GRB2: variants seen among roughly 807,000 people sequenced by gnomAD.
The protein encoded by GRB2 is growth factor receptor-bound protein 2.
In GRB2, 2 loss-of-function variants were observed where a neutral mutation model predicts 27.4. The ratio of observed to expected loss-of-function variants is 0.07; its 90% CI spans 0.03 to 0.23. The LOEUF is 0.23. Among genes scored for constraint, GRB2 ranks in the 10% least tolerant of loss-of-function variants. The probability of loss-of-function intolerance (pLI) is 1.00; values close to 1 mark genes in which losing one functional copy is unlikely to be tolerated. For missense variants in GRB2, 102 were observed against 282.4 expected (o/e 0.36, Z 4.58); for synonymous variants, 94 against 99.6 (o/e 0.94, Z 0.33).
chr17:75,361,438 T>C (rs2078781022), intron 2 of GRB2, among the ~76,000 whole-genome samples: 1 of 152,058 alleles, frequency 6.6e-6, no homozygotes. Context: ...CTCAGAAAAA[T>C]GGGTCTAAAC....
chr17:75,328,943 A>ATAAG (rs1317252771), intron 3 of GRB2, among the ~76,000 whole-genome samples: 2 of 119,852 alleles, frequency 1.7e-5, no homozygotes, highest in Non-Finnish European at 3.5e-5. Context: ...CTTTCAAAAA[A>ATAAG]TAAATAAATA....
rs2145826198 is a variant in GRB2, at chr17:75,332,689, G to A, written c.176+11C>T. Reference sequence around the variant, plus strand: ...GTCCAACCCTTCCAAGACTAATGGAGCTTAACTTACGGATGTGGTTTCATT... The same window carrying A: ...GTCCAACCCTTCCAAGACTAATGGAACTTAACTTACGGATGTGGTTTCATT... On this transcript the variant is annotated intron_variant, in intron 3 of 5. Coordinates refer to ENST00000316804, the MANE Select transcript of GRB2 (RefSeq NM_002086.5). 3 of 1,530,372 alleles carry A rather than the reference G, an allele frequency of 2.0e-6. No homozygotes were observed. The highest frequency in any genetic ancestry group is 2.7e-6 in the Non-Finnish European group (3 of 1,104,968). 94.8% of individuals were successfully genotyped at this position (1,530,372 alleles called of 1,614,324 possible).
At chr17:75,355,975 C>T (rs1031020242) in intron 2 of GRB2, among the ~76,000 whole-genome samples, 1 of 151,786 alleles carries the variant, frequency 6.6e-6, no homozygotes, top group Non-Finnish European at 1.5e-5. Context: ...GGACTACAGA[C>T]GCACGCTGCC....
chr17:75,391,349 A>AG lies in GRB2; in HGVS notation c.78+2201dup, dbSNP rs377757664. Among the ~76,000 whole-genome samples, 455 of 152,266 alleles carry AG rather than the reference A, an allele frequency of 3.0e-3. 4 individuals carry two copies. Among genetic ancestry groups the AG allele is most frequent in the African/African-American group, 0.011 (439 of 41,538 alleles). On this transcript the variant is annotated intron_variant, in intron 2 of 5. Transcript: ENST00000316804. The stretch of plus-strand genomic sequence containing the variant: ...TTCTCCTCCATAATAAAAATTTCTG[A>AG]GGGACTGTTAAACAGGATCTTCTTC...
chr17:75,336,851 C>T (rs767839505), intron 2 of GRB2, among the ~76,000 whole-genome samples: 82 of 152,082 alleles, frequency 5.4e-4, no homozygotes, highest in Non-Finnish European at 1.0e-3. Context: ...GATTCAAGTG[C>T]CTCGGCCTCC....
chr17:75,392,774 TAC>T (rs1419551910), intron 2 of GRB2, among the ~76,000 whole-genome samples: 1 of 152,196 alleles, frequency 6.6e-6, no homozygotes, highest in African/African-American at 2.4e-5. Context: ...AGCAAACTGC[TAC>T]AGTCAATTGG....
Position 75,380,788 on chromosome 17 carries a change from G to A in GRB2, c.78+12763C>T, listed in dbSNP as rs79069318. Reference sequence around the variant, plus strand: ...AATAGCACAAAATAAAATGTGCGGCGGAAAAACTGTGTCAAGCATCTTACA... The same window carrying A: ...AATAGCACAAAATAAAATGTGCGGCAGAAAAACTGTGTCAAGCATCTTACA... On this transcript the variant is annotated intron_variant, in intron 2 of 5. Coordinates refer to ENST00000316804, the MANE Select transcript of GRB2 (RefSeq NM_002086.5). Among the ~76,000 whole-genome samples the A allele has an allele frequency of 3.4e-3, 524 of 152,288 alleles. 24 individuals carry two copies. The East Asian group carries it at 0.085, about 25-fold the overall frequency.
intron 3 of GRB2, among the ~76,000 whole-genome samples, chr17:75,330,589 G>A (rs999146810): frequency 7.2e-5 from 11 of 151,898 alleles, no homozygotes; most frequent in African/African-American, 2.2e-4. Flanking sequence ...CACAAGAATC[G>A]CTTGAACCCA....
chr17:75,374,153 C>T (rs1469208490), intron 2 of GRB2, among the ~76,000 whole-genome samples: 2 of 151,758 alleles, frequency 1.3e-5, no homozygotes, highest in Non-Finnish European at 2.9e-5. Context: ...TGCTTGTAAT[C>T]CTAGCACTTT....
intron 2 of GRB2, among the ~76,000 whole-genome samples, chr17:75,347,192 G>A (rs1325814745): frequency 2.0e-5 from 3 of 152,038 alleles, no homozygotes; most frequent in South Asian, 2.1e-4. Flanking sequence ...CACTGATAGC[G>A]GCAGGAGGCA....
intron 2 of GRB2, among the ~76,000 whole-genome samples, chr17:75,353,611 T>C (rs949970405): frequency 2.7e-5 from 4 of 149,370 alleles, no homozygotes; most frequent in Non-Finnish European, 3.0e-5. Flanking sequence ...AACACAAAAA[T>C]TCGCCAGGTG....
intron 2 of GRB2, among the ~76,000 whole-genome samples, chr17:75,358,590 C>T (rs545594826): frequency 4.6e-5 from 7 of 150,612 alleles, no homozygotes; most frequent in Non-Finnish European, 8.9e-5. Context: ...CAGGGCCAGC[C>T]GCGGTTGGGC....
chr17:75,389,958 G>A (rs2078988417), intron 2 of GRB2, among the ~76,000 whole-genome samples: 1 of 152,076 alleles, frequency 6.6e-6, no homozygotes, highest in African/African-American at 2.4e-5. Context: ...TCTCTTACTT[G>A]AGATTTTGGA....
chr17:75,334,899 T>C (rs1029125911), intron 2 of GRB2, among the ~76,000 whole-genome samples: 10 of 151,792 alleles, frequency 6.6e-5, no homozygotes, highest in African/African-American at 2.2e-4. Context: ...TGCTGCCCAG[T>C]CTGGAGTACA....
At chr17:75,395,052 T>C (rs1005180394) in intron 1 of GRB2, 3 of 152,216 alleles carry the variant, frequency 2.0e-5, no homozygotes, top group Admixed American at 6.5e-5. Flanking sequence ...GACACCTTTC[T>C]TGGATAATTA....
intron 2 of GRB2, among the ~76,000 whole-genome samples, chr17:75,366,749 T>C (rs773775955): frequency 9.9e-5 from 15 of 151,774 alleles, no homozygotes; most frequent in Admixed American, 1.3e-4. Context: ...GAGGTGGAGG[T>C]TGCAGTGAGC....
At chr17:75,366,486 T>C (rs1168786475) in intron 2 of GRB2, among the ~76,000 whole-genome samples, 10 of 135,548 alleles carry the variant, frequency 7.4e-5, no homozygotes, top group Non-Finnish European at 1.6e-4. Context: ...ACACAGGAGT[T>C]TGAGATCAGC....
At chr17:75,328,456 C>T (rs1017536777) in intron 3 of GRB2, among the ~76,000 whole-genome samples, 20 of 151,526 alleles carry the variant, frequency 1.3e-4, no homozygotes, top group Non-Finnish European at 2.6e-4. Context: ...GCCTGGCCAA[C>T]ATGGAGAAAC....
At chr17:75,352,871 C>CA (rs1317145554) in intron 2 of GRB2, among the ~76,000 whole-genome samples, 4 of 145,276 alleles carry the variant, frequency 2.8e-5, no homozygotes, top group Non-Finnish European at 6.0e-5. Context: ...AAAAAGTTAA[C>CA]TTGTTTTTTT....
Sources: allele counts gnomAD v4.1 joint callset (sites outside exome capture counted in the v4.1 genomes callset), GRCh38; gene constraint gnomAD v4.1.1; transcripts MANE v1.5; gene names NCBI Gene and HGNC (gene_info 2026-07-23, HGNC 2026-07-21).